Variants in NPAS3 observed in about 807,000 individuals in gnomAD.
NPAS3 encodes neuronal PAS domain protein 3, also known as neuronal PAS domain-containing protein 3.
NPAS3 carries 14 observed loss-of-function variants against 73.1 expected under a neutral mutation model. The ratio of observed to expected loss-of-function variants is 0.19; its 90% CI spans 0.13 to 0.30. The LOEUF is 0.30. Ranked by LOEUF, NPAS3 falls within the 10% of genes least tolerant of loss-of-function variation. The pLI, the probability that NPAS3 is intolerant of heterozygous loss-of-function variation, is 1.00. For missense variants in NPAS3, 1,096 were observed against 1,250.0 expected (o/e 0.88, Z 1.86); for synonymous variants, 620 against 541.5 (o/e 1.14, Z -2.01).
intron 3 of NPAS3, among the ~76,000 whole-genome samples, chr14:33,243,529 T>G (rs1467015036): frequency 6.6e-6 from 1 of 152,106 alleles, no homozygotes; most frequent in Non-Finnish European, 1.5e-5. Context: ...CAGGTGATAC[T>G]GCTGCTGCTG....
At chr14:33,016,215 G>A (rs1028948348) in intron 1 of NPAS3, among the ~76,000 whole-genome samples, 1 of 152,120 alleles carries the variant, frequency 6.6e-6, no homozygotes, top group African/African-American at 2.4e-5. Context: ...AGCTAGACCT[G>A]TAACTGAGAA....
At chr14:33,580,139 A>G (rs2056605683) in intron 5 of NPAS3, among the ~76,000 whole-genome samples, 1 of 152,156 alleles carries the variant, frequency 6.6e-6, no homozygotes, top group Non-Finnish European at 1.5e-5. Flanking sequence ...TAATATATTT[A>G]AAATATTCTA....
At chr14:33,299,173 G>T (rs560293374) in intron 3 of NPAS3, among the ~76,000 whole-genome samples, 1 of 152,252 alleles carries the variant, frequency 6.6e-6, no homozygotes, top group African/African-American at 2.4e-5. Context: ...CTTTGGCCAC[G>T]TAGTGTTCAA....
intron 2 of NPAS3, among the ~76,000 whole-genome samples, chr14:33,200,375 C>CA (rs2046568592): frequency 1.3e-5 from 2 of 152,026 alleles, no homozygotes; most frequent in South Asian, 4.2e-4. Flanking sequence ...AGCAGAAACA[C>CA]AATCACTCAG....
At chr14:33,763,959 A>T (rs1193141058) in intron 7 of NPAS3, among the ~76,000 whole-genome samples, 2 of 147,118 alleles carry the variant, frequency 1.4e-5, no homozygotes, top group Non-Finnish European at 3.0e-5. Flanking sequence ...TGGCTTCTTT[A>T]AAAAAAAAAT....
intron 1 of NPAS3, among the ~76,000 whole-genome samples, chr14:33,039,573 C>T (rs1275413632): frequency 6.6e-6 from 1 of 152,212 alleles, no homozygotes; most frequent in Non-Finnish European, 1.5e-5. Context: ...TCCTCCTGAC[C>T]TGTTTCGTGA....
intron 4 of NPAS3, among the ~76,000 whole-genome samples, chr14:33,443,842 C>T (rs953162626): frequency 1.3e-5 from 2 of 152,134 alleles, no homozygotes; most frequent in Non-Finnish European, 2.9e-5. Flanking sequence ...CAGCTGGAGC[C>T]ATTCGGGTAG....
intron 2 of NPAS3, among the ~76,000 whole-genome samples, chr14:33,152,608 T>G (rs893485998): frequency 1.3e-5 from 2 of 152,174 alleles, no homozygotes; most frequent in African/African-American, 4.8e-5. Flanking sequence ...CTTAAGTGAT[T>G]GATGTTTTTA....
chr14:32,939,623 C>CAAAA lies in NPAS3; in HGVS notation c.50+271_50+274dup, dbSNP rs752795909. Reference sequence around the variant, plus strand: ...CTCGGCGAATAGAGTGACTCACTGACAAAAAAAAAAAAAAAAAGAAGAAAG... The same window carrying CAAAA: ...CTCGGCGAATAGAGTGACTCACTGACAAAAAAAAAAAAAAAAAAAAAGAAGAAAG... On this transcript the variant is annotated intron_variant, in intron 1 of 11. Coordinates refer to ENST00000356141, the Ensembl canonical transcript of NPAS3. Among the ~76,000 whole-genome samples the CAAAA allele has an allele frequency of 7.2e-3, 795 of 110,204 alleles. 32 individuals are homozygous for CAAAA. The highest frequency in any genetic ancestry group is 0.024 in the African/African-American group (670 of 27,690). The allele number at this position is 110,204 out of a possible 152,430, so 72.3% of individuals were successfully genotyped here.
intron 3 of NPAS3, among the ~76,000 whole-genome samples, chr14:33,350,035 A>G (rs945590823): frequency 4.6e-5 from 7 of 152,184 alleles, no homozygotes; most frequent in African/African-American, 1.4e-4. Flanking sequence ...GCAGCCCTCC[A>G]CTGCTTTTAT....
At chr14:33,645,081 CAAA>C (rs33988299) in intron 5 of NPAS3, among the ~76,000 whole-genome samples, 1,099 of 106,520 alleles carry the variant, frequency 0.01, 14 homozygotes, top group African/African-American at 0.034. Flanking sequence ...AACTCCATCT[CAAA>C]AAAAAAAAAA....
intron 6 of NPAS3, among the ~76,000 whole-genome samples, chr14:33,695,635 T>G (rs1210880230): frequency 6.6e-6 from 1 of 152,206 alleles, no homozygotes; most frequent in African/African-American, 2.4e-5. Flanking sequence ...ATTCTACAAA[T>G]CCATGTTTAT....
chr14:33,532,739 T>C (rs2140186391), intron 4 of NPAS3, among the ~76,000 whole-genome samples: 1 of 152,194 alleles, frequency 6.6e-6, no homozygotes, highest in South Asian at 2.1e-4. Flanking sequence ...TTCTCTCCCT[T>C]CCCTTTGAAA....
intron 3 of NPAS3, among the ~76,000 whole-genome samples, chr14:33,325,054 G>T (rs578171868): frequency 1.0e-3 from 154 of 152,210 alleles, no homozygotes; most frequent in African/African-American, 3.5e-3. Context: ...ACAGTCATCT[G>T]TAGTTAAATA....
chr14:33,492,131 T>A (rs1595017194), intron 4 of NPAS3, among the ~76,000 whole-genome samples: 1 of 152,228 alleles, frequency 6.6e-6, no homozygotes, highest in South Asian at 2.1e-4. Context: ...CACTTAGGGA[T>A]CTATGCTGCC....
At chr14:33,126,858 A>G (rs1445141954) in intron 2 of NPAS3, among the ~76,000 whole-genome samples, 1 of 152,168 alleles carries the variant, frequency 6.6e-6, no homozygotes, top group Admixed American at 6.5e-5. Context: ...ATATACCTAA[A>G]CATGTGGCTT....
chr14:33,224,400 A>G lies in NPAS3; in HGVS notation c.385+8974A>G, dbSNP rs543444072. On this transcript the variant is annotated intron_variant, in intron 3 of 11. Coordinates refer to ENST00000356141, the Ensembl canonical transcript of NPAS3. ...GCATAAGTCTTAGCTCTGCCTTAAT[A>G]AACAGGTGACCTCCACCTGTGAAAA... Among the ~76,000 whole-genome samples, 16 of 152,276 alleles carry G rather than the reference A, an allele frequency of 1.1e-4. No homozygotes were observed. The South Asian group carries it at 3.3e-3, about 32-fold the overall frequency.
chr14:33,656,342 A>G (rs929223517), intron 5 of NPAS3, among the ~76,000 whole-genome samples: 3 of 152,208 alleles, frequency 2.0e-5, no homozygotes, highest in Non-Finnish European at 4.4e-5. Flanking sequence ...TGCCTAACAT[A>G]TGCCAGTCAC....
chr14:33,334,928 T>C (rs1052177285), intron 3 of NPAS3, among the ~76,000 whole-genome samples: 2 of 152,172 alleles, frequency 1.3e-5, no homozygotes, highest in Non-Finnish European at 2.9e-5. Flanking sequence ...TGTTTGGTTT[T>C]CCATTTCTGA....
Sources: allele counts gnomAD v4.1 joint callset (sites outside exome capture counted in the v4.1 genomes callset), GRCh38; gene constraint gnomAD v4.1.1; transcripts MANE v1.5; gene names NCBI Gene and HGNC (gene_info 2026-07-23, HGNC 2026-07-21).